The following C8orf34 variants were observed in gnomAD, a reference collection of about 807,000 sequenced individuals.
The protein encoded by C8orf34 is chromosome 8 open reading frame 34, also known as uncharacterized protein C8orf34.
In C8orf34, 65 loss-of-function variants were observed where a neutral mutation model predicts 68.3. That is an observed-to-expected ratio of 0.95 (90% CI 0.78 to 1.17). The LOEUF is 1.17. C8orf34 is among the 50% of genes most tolerant of loss of function. C8orf34 has a pLI of 0.00. For synonymous variants in C8orf34, 244 were observed against 241.2 expected, an observed-to-expected ratio of 1.01 and a Z score of -0.11; for missense variants, 664 against 655.4, an observed-to-expected ratio of 1.01 and a Z score of -0.14.
At chr8:68,731,409 A>G (rs1821973661) in intron 10 of C8orf34, among the ~76,000 whole-genome samples, 5 of 151,750 alleles carry the variant, frequency 3.3e-5, no homozygotes, top group Admixed American at 1.3e-4. Context: ...ATGTTGACCT[A>G]ATATGTATAT....
At chr8:68,354,220 A>G (rs61116560) in intron 1 of C8orf34, among the ~76,000 whole-genome samples, 5,170 of 152,272 alleles carry the variant, frequency 0.034, 158 homozygotes, top group African/African-American at 0.082. Flanking sequence ...CAGATATTTT[A>G]TCCATAATAT....
chr8:68,684,047 TAA>T (rs2130885980), intron 8 of C8orf34, among the ~76,000 whole-genome samples: 1 of 152,348 alleles, frequency 6.6e-6, no homozygotes, highest in South Asian at 2.1e-4. Flanking sequence ...CAAAGGAGGT[TAA>T]GTTTGCTTAT....
At chr8:68,706,197 G>A (rs994567120) in intron 8 of C8orf34, among the ~76,000 whole-genome samples, 3 of 152,190 alleles carry the variant, frequency 2.0e-5, no homozygotes, top group East Asian at 1.9e-4. Flanking sequence ...GCACATGTGC[G>A]GGAAAATGGT....
At chr8:68,799,791 T>C (rs181322487) in intron 12 of C8orf34, among the ~76,000 whole-genome samples, 3 of 152,184 alleles carry the variant, frequency 2.0e-5, no homozygotes, top group African/African-American at 7.2e-5. Context: ...AAAGAAACCA[T>C]AGGAAGGAAA....
chr8:68,653,701 G>A (rs905636572), intron 8 of C8orf34, among the ~76,000 whole-genome samples: 4 of 152,020 alleles, frequency 2.6e-5, no homozygotes, highest in African/African-American at 7.2e-5. Flanking sequence ...TACTAATTGC[G>A]TTCATGAGGG....
chr8:68,679,880 C>G (rs1215578459), intron 8 of C8orf34, among the ~76,000 whole-genome samples: 2 of 152,100 alleles, frequency 1.3e-5, no homozygotes, highest in Non-Finnish European at 2.9e-5. Context: ...TATCTACATT[C>G]AGAAGAATGA....
At position 68,514,094 on chromosome 8, in the gene C8orf34, C is replaced by T. The variant is rs150024521; in HGVS notation, c.766-7705C>T. On this transcript the variant is annotated intron_variant, in intron 5 of 13. Transcript: ENST00000518698. ...TGTCCCACAGCCACGAAAATTCAGG[C>T]TCGCAGACAATTTGAATGGTGAGTA... 8.5e-5 allele frequency among the ~76,000 whole-genome samples: 13 copies of T among 152,252 alleles called. No homozygotes were observed. In the East Asian group the frequency reaches 2.5e-3, roughly 29 times the overall value.
intron 8 of C8orf34, among the ~76,000 whole-genome samples, chr8:68,694,682 G>A (rs552962870): frequency 1.3e-5 from 2 of 152,078 alleles, no homozygotes; most frequent in African/African-American, 4.8e-5. Flanking sequence ...AACGAATAGT[G>A]AAAGCTTATA....
chr8:68,573,890 T>C (rs1397999417), intron 7 of C8orf34, among the ~76,000 whole-genome samples: 2 of 152,200 alleles, frequency 1.3e-5, no homozygotes, highest in Non-Finnish European at 2.9e-5. Context: ...TAGTCCTATG[T>C]GATGTTCCTT....
At chr8:68,749,043 A>C (rs1822609993) in intron 10 of C8orf34, among the ~76,000 whole-genome samples, 3 of 152,096 alleles carry the variant, frequency 2.0e-5, no homozygotes, top group Non-Finnish European at 4.4e-5. Flanking sequence ...TACACCATGG[A>C]ATACTATGCA....
At chr8:68,393,329 T>G (rs976164965) in intron 1 of C8orf34, among the ~76,000 whole-genome samples, 1 of 152,184 alleles carries the variant, frequency 6.6e-6, no homozygotes, top group African/African-American at 2.4e-5. Context: ...AGTTGTTCAC[T>G]GCTGCAGGAA....
chr8:68,689,123 C>T (rs1169771543), intron 8 of C8orf34, among the ~76,000 whole-genome samples: 3 of 151,970 alleles, frequency 2.0e-5, no homozygotes, highest in African/African-American at 7.2e-5. Flanking sequence ...GGTCATTGTT[C>T]TAAGTGAAAT....
intron 10 of C8orf34, among the ~76,000 whole-genome samples, chr8:68,769,122 T>G (rs1823268092): frequency 6.6e-6 from 1 of 151,970 alleles, no homozygotes; most frequent in African/African-American, 2.4e-5. Context: ...ATGTGTAATT[T>G]CTTTTTTTTT....
rs576604494 is a variant in C8orf34, at chr8:68,547,431, A to G, written c.1105+14282A>G. ...GAAGACTTCCAGTTCACATGATTTC[A>G]TTGGTAAATTCAATCACATATTTAG... On this transcript the variant is annotated intron_variant, in intron 7 of 13. Transcript: ENST00000518698. Among the ~76,000 whole-genome samples the G allele has an allele frequency of 9.2e-5, 14 of 151,930 alleles. No homozygotes were observed. The East Asian group carries it at 2.7e-3, about 29-fold the overall frequency.
At chr8:68,568,282 ATT>A in intron 7 of C8orf34, among the ~76,000 whole-genome samples, 1 of 151,738 alleles carries the variant, frequency 6.6e-6, no homozygotes, top group Non-Finnish European at 1.5e-5. Flanking sequence ...TTTTCTTTAT[ATT>A]CACAACTTGG....
chr8:68,466,801 A>G (rs1812168326), intron 3 of C8orf34, among the ~76,000 whole-genome samples: 1 of 146,456 alleles, frequency 6.8e-6, no homozygotes, highest in African/African-American at 2.6e-5. Flanking sequence ...TTTACCAGAC[A>G]TAAGATTGCT....
rs185744668 is a variant in C8orf34, at chr8:68,485,452, C to T, written c.737-2571C>T. ...GATCGGGCCAGGTGCAGTGACTCAC[C>T]GCTATAATCCCAGCACTTTGGGAGG... On this transcript the variant is annotated intron_variant, in intron 4 of 13. Transcript: ENST00000518698. Among the ~76,000 whole-genome samples, 328 of 151,948 alleles carry T rather than the reference C, an allele frequency of 2.2e-3. 1 individual carries two copies. The highest frequency in any genetic ancestry group is 7.4e-3 in the African/African-American group (305 of 41,458).
At chr8:68,718,575 C>T (rs1449805668) in intron 9 of C8orf34, among the ~76,000 whole-genome samples, 2 of 152,018 alleles carry the variant, frequency 1.3e-5, no homozygotes, top group Non-Finnish European at 2.9e-5. Flanking sequence ...TGACTAGATC[C>T]AATAATTGAA....
At chr8:68,740,843 C>T (rs891427829) in intron 10 of C8orf34, among the ~76,000 whole-genome samples, 5 of 152,076 alleles carry the variant, frequency 3.3e-5, no homozygotes, top group Non-Finnish European at 4.4e-5. Context: ...TGCCCACCAA[C>T]GGTAGACTGG....
Sources: allele counts gnomAD v4.1 joint callset (sites outside exome capture counted in the v4.1 genomes callset), GRCh38; gene constraint gnomAD v4.1.1; transcripts MANE v1.5; gene names NCBI Gene and HGNC (gene_info 2026-07-23, HGNC 2026-07-21).